The following AKR1C4 variants were observed in gnomAD, a reference collection of about 807,000 sequenced individuals.
AKR1C4 encodes the protein 3-alpha-HSD1.
Under a neutral mutation model 41.0 loss-of-function variants are expected in AKR1C4, and 44 were observed. The observed-to-expected ratio is 1.07, with a 90% CI of 0.84 to 1.38. The LOEUF (loss-of-function observed/expected upper bound fraction) is 1.38, where lower values mean the gene tolerates loss of function less well. Among genes scored for constraint, AKR1C4 ranks in the 40% most tolerant of loss-of-function variants. The probability of loss-of-function intolerance (pLI) is 0.00; values close to 1 mark genes in which losing one functional copy is unlikely to be tolerated. For missense variants in AKR1C4, 438 were observed against 387.9 expected (o/e 1.13, Z -1.09); for synonymous variants, 165 against 137.7 (o/e 1.20, Z -1.39).
At chr10:5,213,252 A>G (rs1247282924) in intron 7 of AKR1C4, 93 bp downstream of exon 7, 1 of 1,539,372 alleles carries the variant, frequency 6.5e-7, no homozygotes, top group Non-Finnish European at 8.8e-7. Flanking sequence ...GACTAAGTCC[A>G]CTTCCTGGGC....
chr10:5,212,214 C>T (rs1274347030), intron 5 of AKR1C4, among the ~76,000 whole-genome samples: 8 of 152,148 alleles, frequency 5.3e-5, no homozygotes, highest in African/African-American at 1.9e-4. Flanking sequence ...GTTTTTGATG[C>T]TCAAATCTAT....
chr10:5,211,136 C>T (rs1165719993), intron 5 of AKR1C4, among the ~76,000 whole-genome samples: 3 of 152,218 alleles, frequency 2.0e-5, no homozygotes, highest in Non-Finnish European at 2.9e-5. Context: ...AGACCTCCAC[C>T]TCCCTCTGGG....
intron 4 of AKR1C4, 97 bp downstream of exon 4, chr10:5,205,931 A>G: frequency 7.9e-7 from 1 of 1,264,506 alleles, no homozygotes; most frequent in Admixed American, 2.3e-5. Flanking sequence ...GCACCATTGG[A>G]ACTAGAAATT....
At chr10:5,208,785 T>A (rs1044256679) in intron 5 of AKR1C4, among the ~76,000 whole-genome samples, 2 of 151,118 alleles carry the variant, frequency 1.3e-5, no homozygotes, top group Non-Finnish European at 2.9e-5. Flanking sequence ...GATGAAAAAA[T>A]TTAAAGATAC....
intron 5 of AKR1C4, among the ~76,000 whole-genome samples, chr10:5,210,865 C>T (rs1231495081): frequency 6.6e-6 from 1 of 152,260 alleles, no homozygotes; most frequent in African/African-American, 2.4e-5. Context: ...CTGCCTCAGC[C>T]TCCCAAAGTG....
At position 5,201,060 on chromosome 10, in the gene AKR1C4, C is replaced by T. The variant is rs1832393791; in HGVS notation, c.252+712C>T. On this transcript the variant is annotated intron_variant, in intron 2 of 8. Transcript: ENST00000263126. Reference sequence around the variant, plus strand: ...ATTTCTACAATTGTGAATCATACTGCTGTAAACATGTGTGGGTATGTGTTT... The same window carrying T: ...ATTTCTACAATTGTGAATCATACTGTTGTAAACATGTGTGGGTATGTGTTT... Among the ~76,000 whole-genome samples, 3 of 151,710 alleles carry T rather than the reference C, an allele frequency of 2.0e-5. No homozygotes were observed. The South Asian group carries it at 6.2e-4, about 31-fold the overall frequency.
At chr10:5,204,680 G>T (rs1186218635) in intron 3 of AKR1C4, 187 bp downstream of exon 3, 3 of 744,184 alleles carry the variant, frequency 4.0e-6, no homozygotes, top group Non-Finnish European at 7.4e-6. Flanking sequence ...GACAAGAGAA[G>T]ACAGTACATC....
intron 8 of AKR1C4, 86 bp downstream of exon 8, chr10:5,216,879 G>A (rs1391631845): frequency 1.1e-5 from 10 of 879,734 alleles, no homozygotes; most frequent in African/African-American, 1.0e-4. Context: ...CAATACCAGG[G>A]AGACAGAGGC....
chr10:5,207,753 G>A (rs1322280974), intron 5 of AKR1C4: 4 of 432,354 alleles, frequency 9.3e-6, no homozygotes, highest in South Asian at 5.6e-5. Context: ...AGATGAATAT[G>A]ATACCTTTTC....
chr10:5,203,450 C>T (rs1200774238), intron 2 of AKR1C4, among the ~76,000 whole-genome samples: 6 of 152,126 alleles, frequency 3.9e-5, no homozygotes, highest in African/African-American at 1.4e-4. Flanking sequence ...TTATTTCTCA[C>T]CTCTCCCTAA....
chr10:5,217,960 T>TA (rs1208861722), intron 8 of AKR1C4, among the ~76,000 whole-genome samples: 2 of 152,186 alleles, frequency 1.3e-5, no homozygotes, highest in African/African-American at 4.8e-5. Context: ...GATAATGTAT[T>TA]AAAAAGGATA....
chr10:5,204,499 G>A lies in AKR1C4; in HGVS notation c.369+6G>A, dbSNP rs1280234180. 1.9e-6 allele frequency: 3 copies of A among 1,570,264 alleles called. No individual in the cohort carries two copies. In the East Asian group the frequency reaches 6.7e-5, roughly 35 times the overall value. On this transcript the variant is annotated splice_donor_region_variant and intron_variant, in intron 3 of 8. Transcript: ENST00000263126. ...ATTTCCCAATGGCTCTCAAGGTAGG[G>A]AATTTGTGAGATCAACTTCTCTTCT...
chr10:5,209,822 A>C (rs1832543427), intron 5 of AKR1C4, among the ~76,000 whole-genome samples: 1 of 152,020 alleles, frequency 6.6e-6, no homozygotes, highest in Non-Finnish European at 1.5e-5. Flanking sequence ...ATGGGAGCTA[A>C]AAGATGACAT....
At chr10:5,209,228 G>T (rs1293445503) in intron 5 of AKR1C4, among the ~76,000 whole-genome samples, 1 of 152,078 alleles carries the variant, frequency 6.6e-6, no homozygotes, top group Non-Finnish European at 1.5e-5. Flanking sequence ...GTAATCTGCT[G>T]GGTGAAATAA....
Position 5,198,086 on chromosome 10 carries a change from A to G in AKR1C4, c.84+1135A>G, listed in dbSNP as rs540566260. On this transcript the variant is annotated intron_variant, in intron 1 of 8. Transcript: ENST00000263126. ...TCAAATCTTTATCCAAATTTGGTAG[A>G]TAAGTCAATAATTTTAAATTTCACT... 3.9e-5 allele frequency among the ~76,000 whole-genome samples: 6 copies of G among 152,356 alleles called. No individual in the cohort carries two copies. In the South Asian group the frequency reaches 1.2e-3, roughly 32 times the overall value.
intron 2 of AKR1C4, chr10:5,202,393 G>C (rs1345898831): frequency 4.7e-6 from 2 of 423,086 alleles, no homozygotes; most frequent in Non-Finnish European, 4.7e-6. Flanking sequence ...TTTGTCGGAG[G>C]AGCTTTTTGG....
intron 7 of AKR1C4, among the ~76,000 whole-genome samples, chr10:5,215,148 T>C (rs782021971): frequency 1.3e-5 from 2 of 152,192 alleles, no homozygotes; most frequent in Non-Finnish European, 2.9e-5. Flanking sequence ...TGTACATGAC[T>C]GGTTCATGTA....
At chr10:5,210,552 C>G (rs936039602) in intron 5 of AKR1C4, among the ~76,000 whole-genome samples, 1 of 151,996 alleles carries the variant, frequency 6.6e-6, no homozygotes, top group Non-Finnish European at 1.5e-5. Context: ...GACATTCAGG[C>G]GTTTCTATAC....
intron 5 of AKR1C4, among the ~76,000 whole-genome samples, chr10:5,212,292 G>T (rs557009643): frequency 6.6e-6 from 1 of 152,230 alleles, no homozygotes; most frequent in Non-Finnish European, 1.5e-5. Flanking sequence ...AGTCTTTAAA[G>T]AAATTCTTAC....
Sources: gnomAD v4.1 joint callset for allele counts (sites outside exome capture counted in the v4.1 genomes callset) on GRCh38, gnomAD v4.1.1 for gene constraint, MANE v1.5 for transcripts, NCBI Gene and HGNC (gene_info 2026-07-23, HGNC 2026-07-21) for gene names.